Variants in RBFOX1 observed in about 807,000 individuals in gnomAD.
RBFOX1 encodes the protein RNA binding fox-1 homolog 1, also known as RNA binding protein fox-1 homolog 1.
RBFOX1 carries 8 observed loss-of-function variants against 57.7 expected under a neutral mutation model. That is an observed-to-expected ratio of 0.14 (90% CI 0.08 to 0.25). The LOEUF is 0.25. Ranked by LOEUF, RBFOX1 falls within the 10% of genes least tolerant of loss-of-function variation. The pLI is 1.00. For synonymous variants in RBFOX1, 326 were observed against 222.4 expected (o/e 1.47, Z -4.15); for missense variants, 611 against 548.5 (o/e 1.11, Z -1.14).
intron 4 of RBFOX1, among the ~76,000 whole-genome samples, chr16:7,180,609 G>T (rs1311980752): frequency 2.0e-5 from 3 of 152,008 alleles, no homozygotes; most frequent in Non-Finnish European, 4.4e-5. Flanking sequence ...TGTAAAAGGT[G>T]AGATGGTTGC....
At chr16:7,243,618 G>T (rs976214090) in intron 4 of RBFOX1, among the ~76,000 whole-genome samples, 1 of 152,086 alleles carries the variant, frequency 6.6e-6, no homozygotes, top group African/African-American at 2.4e-5. Flanking sequence ...CATGATAATA[G>T]CTCACTATAG....
intron 4 of RBFOX1, among the ~76,000 whole-genome samples, chr16:6,004,576 C>G (rs371910981): frequency 1.3e-5 from 2 of 152,298 alleles, no homozygotes; most frequent in African/African-American, 4.8e-5. Flanking sequence ...ACACAGATTT[C>G]TGCAGCTTCT....
At chr16:6,628,560 T>A (rs12599404) in intron 2 of RBFOX1, among the ~76,000 whole-genome samples, 84,919 of 152,080 alleles carry the variant, frequency 0.56, 25,199 homozygotes, top group South Asian at 0.8. Flanking sequence ...CCACCTCATT[T>A]TGTTTTTTTA....
chr16:5,331,883 C>T (rs930993454), intron 1 of RBFOX1, among the ~76,000 whole-genome samples: 5 of 152,228 alleles, frequency 3.3e-5, no homozygotes, highest in Admixed American at 2.0e-4. Context: ...GTGGGGTCTG[C>T]ATGTTCTTCC....
At chr16:6,481,676 C>A (rs1274039912) in intron 2 of RBFOX1, among the ~76,000 whole-genome samples, 1 of 152,092 alleles carries the variant, frequency 6.6e-6, no homozygotes, top group Non-Finnish European at 1.5e-5. Flanking sequence ...GAAAATGTGT[C>A]AGGGGATCAT....
At chr16:5,263,671 G>A (rs1475956056) in intron 1 of RBFOX1, among the ~76,000 whole-genome samples, 1 of 152,102 alleles carries the variant, frequency 6.6e-6, no homozygotes, top group Non-Finnish European at 1.5e-5. Flanking sequence ...CTTATGAGAT[G>A]GGAAAGGCAG....
chr16:5,564,847 C>T (rs1195340039), intron 2 of RBFOX1, among the ~76,000 whole-genome samples: 5 of 152,278 alleles, frequency 3.3e-5, no homozygotes, highest in Admixed American at 3.3e-4. Flanking sequence ...ATCATCGTGG[C>T]TGGGCATCTC....
intron 4 of RBFOX1, among the ~76,000 whole-genome samples, chr16:7,517,440 G>A (rs536182898): frequency 2.8e-4 from 42 of 152,032 alleles, no homozygotes; most frequent in African/African-American, 9.9e-4. Flanking sequence ...TTTCAGAAAT[G>A]CTTAAAATGG....
chr16:5,548,806 C>G (rs76604523), intron 2 of RBFOX1, among the ~76,000 whole-genome samples: 3,693 of 152,230 alleles, frequency 0.024, 90 homozygotes, highest in African/African-American at 0.061. Context: ...TAAATTCAAC[C>G]TTCTCTCAGT....
At chr16:7,534,840 T>A (rs975656546) in intron 5 of RBFOX1, among the ~76,000 whole-genome samples, 1 of 152,170 alleles carries the variant, frequency 6.6e-6, no homozygotes, top group African/African-American at 2.4e-5. Flanking sequence ...ACGTCTTGAC[T>A]TGCCCCGCTA....
At chr16:6,878,865 A>T (rs893249660) in intron 3 of RBFOX1, among the ~76,000 whole-genome samples, 1 of 139,860 alleles carries the variant, frequency 7.2e-6, no homozygotes, top group African/African-American at 2.7e-5. Context: ...GAGAGAAATT[A>T]ACAGCTAATC....
At chr16:5,539,722 C>T (rs2044855907) in intron 2 of RBFOX1, among the ~76,000 whole-genome samples, 1 of 152,136 alleles carries the variant, frequency 6.6e-6, no homozygotes, top group African/African-American at 2.4e-5. Flanking sequence ...TCATCTCCCT[C>T]CCCCACACCA....
intron 3 of RBFOX1, among the ~76,000 whole-genome samples, chr16:6,982,075 G>C (rs1198915522): frequency 2.6e-5 from 4 of 152,114 alleles, no homozygotes; most frequent in Admixed American, 2.6e-4. Flanking sequence ...ATATACTCAT[G>C]TTGGTTTATA....
rs1360394265 is a variant in RBFOX1, at chr16:6,931,338, T to TATCC, written c.-15-120719_-15-120718insATCC. On this transcript the variant is annotated intron_variant, in intron 3 of 15. Transcript: ENST00000550418. ...CTATCTATCTATCTATCTATCTATCTCTACACACACACACACACACACACA... is the reference window on the plus strand; with the variant it reads ...CTATCTATCTATCTATCTATCTATCTATCCCTACACACACACACACACACACACA... Among the ~76,000 whole-genome samples, 156 of 131,256 alleles carry TATCC rather than the reference T, an allele frequency of 1.2e-3. 3 individuals carry two copies. The highest frequency in any genetic ancestry group is 5.2e-3 in the African/African-American group (151 of 28,820). 86.1% of individuals were successfully genotyped at this position (131,256 alleles called of 152,430 possible). A position where few individuals can be genotyped will look rare whatever the true frequency, so the allele number is the denominator to read the frequency against.
intron 4 of RBFOX1, among the ~76,000 whole-genome samples, chr16:7,417,921 C>A (rs1484776016): frequency 6.6e-6 from 1 of 152,120 alleles, no homozygotes; most frequent in Admixed American, 6.5e-5. Flanking sequence ...GTTGAGACTT[C>A]TGGATTAGGT....
rs574429023 is a variant in RBFOX1, at chr16:7,612,090, G to A, written c.676+4752G>A. 1.8e-4 allele frequency among the ~76,000 whole-genome samples: 28 copies of A among 152,194 alleles called. No individual in the cohort carries two copies. In the South Asian group the frequency reaches 4.6e-3, roughly 25 times the overall value. ...TAATCCCAGCACTTTGGGAGGCCGA[G>A]GCAGGTGGATCACGAGGTCAGGGGA... On this transcript the variant is annotated intron_variant, in intron 10 of 15. Transcript: ENST00000550418.
At chr16:7,600,692 C>T (rs1156621255) in intron 9 of RBFOX1, among the ~76,000 whole-genome samples, 2 of 152,198 alleles carry the variant, frequency 1.3e-5, no homozygotes, top group Non-Finnish European at 2.9e-5. Context: ...TCAATGCCAG[C>T]ATCACCTTCA....
intron 4 of RBFOX1, among the ~76,000 whole-genome samples, chr16:5,914,341 G>T (rs916379221): frequency 5.3e-5 from 8 of 152,196 alleles, no homozygotes; most frequent in African/African-American, 1.9e-4. Flanking sequence ...GCTTGGCTGG[G>T]TTCCCCTGGT....
rs1317876935 is a variant in RBFOX1 at position 5,856,563 on chromosome 16, A to ATGTGTGTGTG, written c.319-10736_319-10727dup. Among the ~76,000 whole-genome samples, 69 of 66,906 alleles carry ATGTGTGTGTG rather than the reference A, an allele frequency of 1.0e-3. 1 individual carries two copies. The highest frequency in any genetic ancestry group is 3.9e-3 in the African/African-American group (65 of 16,606). 43.9% of individuals were successfully genotyped at this position (66,906 alleles called of 152,430 possible). A position where few individuals can be genotyped will look rare whatever the true frequency, so the allele number is the denominator to read the frequency against. ...TGTGTGTGTGTGTGTGTGTGTGTGT[A>ATGTGTGTGTG]TGTGTGTGTGTGTATATATATATAT... On this transcript the variant is annotated intron_variant, in intron 3 of 19. Transcript: ENST00000641259.
Sources: gnomAD v4.1 joint callset for allele counts (sites outside exome capture counted in the v4.1 genomes callset) on GRCh38, gnomAD v4.1.1 for gene constraint, MANE v1.5 for transcripts, NCBI Gene and HGNC (gene_info 2026-07-23, HGNC 2026-07-21) for gene names.